Variants in YTHDF2 observed in about 807,000 individuals in gnomAD.
The protein encoded by YTHDF2 is YTH N6-methyladenosine RNA binding protein F2.
In YTHDF2, 2 loss-of-function variants were observed where a neutral mutation model predicts 50.4. That is an observed-to-expected ratio of 0.04 (90% CI 0.02 to 0.12). The LOEUF is 0.12. YTHDF2 is among the 10% of genes least tolerant of loss of function. The probability of loss-of-function intolerance (pLI) is 1.00; values close to 1 mark genes in which losing one functional copy is unlikely to be tolerated. For missense variants in YTHDF2, 483 were observed against 722.6 expected (o/e 0.67, Z 3.80); for synonymous variants, 217 against 255.6 (o/e 0.85, Z 1.44).
At chr1:28,761,694 G>A (rs1557550257) in intron 4 of YTHDF2, among the ~76,000 whole-genome samples, 1 of 151,932 alleles carries the variant, frequency 6.6e-6, no homozygotes, top group Non-Finnish European at 1.5e-5. Flanking sequence ...CCGAGATTGC[G>A]CCATTGCATT....
At chr1:28,749,644 G>A (rs2087918805) in intron 4 of YTHDF2, among the ~76,000 whole-genome samples, 2 of 152,104 alleles carry the variant, frequency 1.3e-5, no homozygotes, top group East Asian at 1.9e-4. Flanking sequence ...AAGTAGTCAA[G>A]AATAAGGGAA....
At chr1:28,760,952 A>G (rs2088115147) in intron 4 of YTHDF2, among the ~76,000 whole-genome samples, 1 of 152,088 alleles carries the variant, frequency 6.6e-6, no homozygotes, top group East Asian at 1.9e-4. Context: ...GCAGTGCGGT[A>G]GGTTTGTTTA....
rs1168405190 is a variant in YTHDF2 at position 28,737,673 on chromosome 1, G to C, written c.43G>C (p.Gly15Arg). ...SLLEQRPKGQ[G>R]NKVQNGSVHQ... ...TCCCCTGCAGAGACCAAAAGGTCAA[G>C]GAAACAAAGGTAAGTCCCGCTCCGC... Residue 15 changes from glycine (G) to arginine (R), a missense_variant, in exon 2 of 5, where the codon GGA becomes CGA. Physicochemically the swap from Gly to Arg is moderately radical, Grantham distance 125. Transcript: ENST00000373812. 2 of 1,613,772 alleles carry C rather than the reference G, an allele frequency of 1.2e-6. No homozygotes were observed. Among genetic ancestry groups the C allele is most frequent in the Non-Finnish European group, 1.7e-6 (2 of 1,179,888 alleles).
intron 4 of YTHDF2, among the ~76,000 whole-genome samples, chr1:28,766,157 T>C (rs76540019): frequency 1.3e-5 from 2 of 152,196 alleles, no homozygotes; most frequent in African/African-American, 4.8e-5. Flanking sequence ...TAGGCCAGAG[T>C]GCAGTGGCAC....
intron 4 of YTHDF2, among the ~76,000 whole-genome samples, chr1:28,758,798 T>C (rs1470766576): frequency 7.2e-5 from 11 of 152,190 alleles, no homozygotes; most frequent in African/African-American, 2.7e-4. Flanking sequence ...GTTACTTTAG[T>C]TGAGGTCGGT....
chr1:28,746,593 C>CAA (rs35500198), intron 4 of YTHDF2, among the ~76,000 whole-genome samples: 7 of 132,468 alleles, frequency 5.3e-5, no homozygotes, highest in Admixed American at 1.5e-4. Flanking sequence ...AAAAATACTA[C>CAA]AAAAAAAAAA....
In YTHDF2 at chr1:28,749,426, C is replaced by T. The variant is rs182631766; in HGVS notation, c.1716+5440C>T. ...CGATCTCCTGACCTCATGATCTGCC[C>T]GCCCCGGCCTCCCAAAGTGCTGGGA... On this transcript the variant is annotated intron_variant, in intron 4 of 4. Transcript: ENST00000373812. Among the ~76,000 whole-genome samples the T allele has an allele frequency of 4.3e-3, 649 of 152,152 alleles. 8 individuals carry two copies. The highest frequency in any genetic ancestry group is 0.014 in the African/African-American group (575 of 41,516).
At chr1:28,740,940 G>A (rs1254868644) in intron 3 of YTHDF2, among the ~76,000 whole-genome samples, 2 of 151,938 alleles carry the variant, frequency 1.3e-5, no homozygotes, top group African/African-American at 4.8e-5. Context: ...TCCTGACCTC[G>A]TGATCCTCCC....
At chr1:28,748,155 G>T (rs886194227) in intron 4 of YTHDF2, among the ~76,000 whole-genome samples, 2 of 151,694 alleles carry the variant, frequency 1.3e-5, no homozygotes, top group African/African-American at 2.4e-5. Context: ...AAAAAGAACT[G>T]CTGGGATTTC....
chr1:28,737,022 C>T lies in YTHDF2; in HGVS notation c.-99C>T. ...CGCCGAGGCCCCCGAGTGTCAGGGA[C>T]AAAAGCCTCCGCCTGCTCCCGCAGA... On this transcript the variant is annotated 5_prime_UTR_variant, in exon 1 of 5. Coordinates refer to ENST00000373812, the MANE Select transcript of YTHDF2 (RefSeq NM_016258.3). 2.0e-6 allele frequency: 3 copies of T among 1,489,222 alleles called. No individual in the cohort carries two copies. The highest frequency in any genetic ancestry group is 2.7e-6 in the Non-Finnish European group (3 of 1,103,256). 92.3% of individuals were successfully genotyped at this position (1,489,222 alleles called of 1,614,324 possible). A position where few individuals can be genotyped will look rare whatever the true frequency, so the allele number is the denominator to read the frequency against.
At chr1:28,746,647 CT>C (rs1361296747) in intron 4 of YTHDF2, among the ~76,000 whole-genome samples, 1 of 151,554 alleles carries the variant, frequency 6.6e-6, no homozygotes, top group Non-Finnish European at 1.5e-5. Flanking sequence ...GTGATCCCAA[CT>C]ACTTGGGAGG....
Position 28,742,490 on chromosome 1 carries a change from G to C in YTHDF2, c.220G>C (p.Ala74Pro), listed in dbSNP as rs1419075868. The C allele has an allele frequency of 6.2e-7, 1 of 1,613,654 alleles. No homozygotes were observed. Among genetic ancestry groups the C allele is most frequent in the Admixed American group, 1.7e-5 (1 of 59,918 alleles). The change falls in exon 4 of 5, where the codon GCT becomes CCT. Residue 74 changes from alanine (A) to proline (P), a missense_variant. Ala to Pro is a conservative substitution (Grantham distance 27). This residue lies in a region of YTHDF2 where 385 missense variants were observed against 475.8 expected (regional missense o/e 0.81). Transcript: ENST00000373812. ...CTTCTCCTATTCTTTGGGTGAAGCT[G>C]CTTGGTCTACGGGGGGTGACACAGC... ...IGFSYSLGEA[A>P]WSTGGDTAMP...
intron 4 of YTHDF2, among the ~76,000 whole-genome samples, chr1:28,756,150 A>G (rs1049772707): frequency 2.0e-5 from 3 of 152,194 alleles, no homozygotes; most frequent in Non-Finnish European, 4.4e-5. Flanking sequence ...CAAGCCTTAA[A>G]GAGCTATTAT....
At chr1:28,764,978 G>A (rs2124210224) in intron 4 of YTHDF2, among the ~76,000 whole-genome samples, 1 of 152,120 alleles carries the variant, frequency 6.6e-6, no homozygotes, top group East Asian at 1.9e-4. Context: ...GGGCTCAGAT[G>A]ATCCTCTTGC....
intron 4 of YTHDF2, among the ~76,000 whole-genome samples, chr1:28,759,520 C>T (rs1448471785): frequency 6.6e-6 from 1 of 152,178 alleles, no homozygotes; most frequent in African/African-American, 2.4e-5. Flanking sequence ...TACTACACAA[C>T]TTAGGCTATA....
chr1:28,763,756 AT>A lies in YTHDF2; in HGVS notation c.1717-5159del, dbSNP rs34426132. 4.1e-3 allele frequency among the ~76,000 whole-genome samples: 588 copies of A among 144,684 alleles called. 14 individuals are homozygous for A. The East Asian group carries it at 0.075, about 18-fold the overall frequency. 94.9% of individuals were successfully genotyped at this position (144,684 alleles called of 152,430 possible). On this transcript the variant is annotated intron_variant, in intron 4 of 4. Transcript: ENST00000373812. The stretch of plus-strand genomic sequence containing the variant: ...AGGCGTAAGCCACTGTGCCCAGCCA[AT>A]TTTTTTTTTTTTTGGGATTATGGGC...
intron 4 of YTHDF2, among the ~76,000 whole-genome samples, chr1:28,753,279 G>GTC (rs1401083584): frequency 2.9e-5 from 4 of 138,956 alleles, no homozygotes; most frequent in African/African-American, 8.2e-5. Flanking sequence ...CTCGCACTTT[G>GTC]GGGAGGCTGC....
chr1:28,736,945 G>A lies in YTHDF2; in HGVS notation c.-176G>A. The stretch of plus-strand genomic sequence containing the variant: ...GGGCATTGAGCTCTTGGGCTAGAGC[G>A]TCGCCGAGTCGGAGCCGGAGCCTGA... On this transcript the variant is annotated 5_prime_UTR_variant, in exon 1 of 5. Coordinates refer to ENST00000373812, the MANE Select transcript of YTHDF2 (RefSeq NM_016258.3). The A allele has an allele frequency of 1.4e-6, 1 of 714,662 alleles. No individual in the cohort carries two copies. The highest frequency in any genetic ancestry group is 1.8e-5 in the South Asian group (1 of 55,282). 44.3% of individuals were successfully genotyped at this position (714,662 alleles called of 1,614,324 possible).
In YTHDF2 at chr1:28,753,378, A is replaced by C. The variant is rs1308791469; in HGVS notation, c.1716+9392A>C. Among the ~76,000 whole-genome samples the C allele has an allele frequency of 2.1e-3, 299 of 141,400 alleles. 12 individuals carry two copies. The highest frequency in any genetic ancestry group is 8.3e-3 in the South Asian group (34 of 4,082). 92.8% of individuals were successfully genotyped at this position (141,400 alleles called of 152,430 possible). On this transcript the variant is annotated intron_variant, in intron 4 of 4. Coordinates refer to ENST00000373812, the MANE Select transcript of YTHDF2 (RefSeq NM_016258.3). The stretch of plus-strand genomic sequence containing the variant: ...CTCTCCAAAAAAAAAAAAAAAAAAA[A>C]AAAAAAAAAAAAAAAAAAAATCAGC...
Sources: gnomAD v4.1 joint callset for allele counts (sites outside exome capture counted in the v4.1 genomes callset) on GRCh38, gnomAD v4.1.1 for gene constraint, gnomAD v4.1.1 regional missense constraint, MANE v1.5 for transcripts, NCBI Gene and HGNC (gene_info 2026-07-23, HGNC 2026-07-21) for gene names.